The following ZRANB3 variants were observed in gnomAD, a reference collection of about 807,000 sequenced individuals.
ZRANB3 encodes DNA annealing helicase and endonuclease ZRANB3.
ZRANB3 carries 125 observed loss-of-function variants against 133.8 expected under a neutral mutation model. The ratio of observed to expected loss-of-function variants is 0.93; its 90% CI spans 0.81 to 1.08. The LOEUF (loss-of-function observed/expected upper bound fraction) is 1.08, where lower values mean the gene tolerates loss of function less well. ZRANB3 is among the 50% of genes least tolerant of loss of function. ZRANB3 has a pLI of 0.00. For synonymous variants in ZRANB3, 387 were observed against 432.7 expected, an observed-to-expected ratio of 0.89 and a Z score of 1.31; for missense variants, 1,229 against 1,275.5, an observed-to-expected ratio of 0.96 and a Z score of 0.56.
intron 2 of ZRANB3, among the ~76,000 whole-genome samples, chr2:135,410,462 T>C (rs1172930586): frequency 3.3e-5 from 5 of 152,164 alleles, no homozygotes; most frequent in Non-Finnish European, 4.4e-5. Flanking sequence ...GAACTCTACA[T>C]ATCACCATAT....
chr2:135,487,247 C>A (rs1387330390), intron 2 of ZRANB3, among the ~76,000 whole-genome samples: 1 of 152,090 alleles, frequency 6.6e-6, no homozygotes, highest in Non-Finnish European at 1.5e-5. Context: ...ATTCAGTAAA[C>A]CTTGCTACAA....
intron 2 of ZRANB3, among the ~76,000 whole-genome samples, chr2:135,454,090 G>A (rs1690390932): frequency 6.6e-6 from 1 of 152,166 alleles, no homozygotes; most frequent in South Asian, 2.1e-4. Flanking sequence ...TGCAAACCCC[G>A]ATAAACCCAT....
intron 16 of ZRANB3, among the ~76,000 whole-genome samples, chr2:135,217,878 C>T (rs899339340): frequency 3.3e-5 from 5 of 152,102 alleles, no homozygotes; most frequent in South Asian, 2.1e-4. Context: ...GGCATGATCA[C>T]GGCTTACTGC....
intron 2 of ZRANB3, among the ~76,000 whole-genome samples, chr2:135,426,355 T>C (rs1689065014): frequency 6.6e-6 from 1 of 152,014 alleles, no homozygotes; most frequent in Non-Finnish European, 1.5e-5. Context: ...ATCATCCTAA[T>C]ACCAAAACCT....
At position 135,429,577 on chromosome 2, in the gene ZRANB3, T is replaced by C. The variant is rs538123141; in HGVS notation, c.162-38757A>G. ...TTTATCTAACCAAAATTATAATACA[T>C]CTATACCGAGAAGGTAAGAATGAGA... On this transcript the variant is annotated intron_variant, in intron 2 of 20. Coordinates refer to ENST00000264159, the MANE Select transcript of ZRANB3 (RefSeq NM_032143.4). Among the ~76,000 whole-genome samples the C allele has an allele frequency of 8.0e-4, 122 of 151,980 alleles. 1 individual carries two copies. Among genetic ancestry groups the C allele is most frequent in the African/African-American group, 2.6e-3 (108 of 41,434 alleles).
chr2:135,270,633 T>C (rs1232247751), intron 10 of ZRANB3, among the ~76,000 whole-genome samples: 1 of 152,212 alleles, frequency 6.6e-6, no homozygotes, highest in Non-Finnish European at 1.5e-5. Flanking sequence ...ACTCCGATTA[T>C]TGGAAGTTTA....
In ZRANB3 at chr2:135,312,192, T is replaced by A. The variant is rs866239051; in HGVS notation, c.966+1297A>T. Among the ~76,000 whole-genome samples, 208 of 136,612 alleles carry A rather than the reference T, an allele frequency of 1.5e-3. 3 individuals are homozygous for A. Among genetic ancestry groups the A allele is most frequent in the Admixed American group, 2.4e-3 (34 of 14,034 alleles). The allele number at this position is 136,612 out of a possible 152,430, so 89.6% of individuals were successfully genotyped here. A position where few individuals can be genotyped will look rare whatever the true frequency, so the allele number is the denominator to read the frequency against. On this transcript the variant is annotated intron_variant, in intron 8 of 20. Transcript: ENST00000264159. ...ATTTTATTTTATTTTATTTTATTTT[T>A]ATTTTATTTTATTTTATTTTATTTG... is the stretch of plus-strand genomic sequence containing the variant.
intron 6 of ZRANB3, among the ~76,000 whole-genome samples, chr2:135,318,212 T>TTGTGTG (rs58455313): frequency 0.028 from 3,872 of 136,918 alleles, 115 homozygotes; most frequent in East Asian, 0.1. Flanking sequence ...ACACACTATT[T>TTGTGTG]TGTGTGTGTG....
chr2:135,327,962 T>C (rs1014819719), intron 6 of ZRANB3, among the ~76,000 whole-genome samples: 1 of 152,158 alleles, frequency 6.6e-6, no homozygotes, highest in Non-Finnish European at 1.5e-5. Context: ...AAATTGCTTA[T>C]CAATTCATCC....
At chr2:135,429,452 T>C (rs1423409033) in intron 2 of ZRANB3, among the ~76,000 whole-genome samples, 1 of 152,128 alleles carries the variant, frequency 6.6e-6, no homozygotes, top group East Asian at 1.9e-4. Flanking sequence ...AAATAATCTG[T>C]ACTCCATACC....
intron 12 of ZRANB3, chr2:135,238,788 A>G (rs1380478715): frequency 1.3e-5 from 2 of 152,272 alleles, no homozygotes; most frequent in African/African-American, 4.8e-5. Flanking sequence ...CACCATTGGT[A>G]TGAGGAAACC....
chr2:135,306,831 C>G (rs1682730088), intron 8 of ZRANB3, among the ~76,000 whole-genome samples: 1 of 151,762 alleles, frequency 6.6e-6, no homozygotes, highest in Non-Finnish European at 1.5e-5. Flanking sequence ...CTCAAGTGAT[C>G]CTCCTGCCTC....
intron 3 of ZRANB3, among the ~76,000 whole-genome samples, chr2:135,360,030 T>TAATA (rs1685601571): frequency 6.6e-6 from 1 of 152,264 alleles, no homozygotes; most frequent in South Asian, 2.1e-4. Context: ...AAGAAAGGAA[T>TAATA]AATACATAGA....
intron 2 of ZRANB3, among the ~76,000 whole-genome samples, chr2:135,452,500 C>G (rs1382979486): frequency 6.6e-6 from 1 of 152,170 alleles, no homozygotes; most frequent in East Asian, 1.9e-4. Context: ...AGGCAAGTCC[C>G]TTCCACCTAT....
chr2:135,414,933 T>C (rs1688486314), intron 2 of ZRANB3, among the ~76,000 whole-genome samples: 1 of 151,836 alleles, frequency 6.6e-6, no homozygotes, highest in Non-Finnish European at 1.5e-5. Flanking sequence ...CATACCAGAA[T>C]CTCTGGGACA....
chr2:135,317,794 G>A (rs552979056), intron 6 of ZRANB3, among the ~76,000 whole-genome samples: 4 of 152,196 alleles, frequency 2.6e-5, no homozygotes, highest in East Asian at 3.9e-4. Context: ...GATCCTAAGC[G>A]CCATATGCCT....
chr2:135,528,679 T>C (rs1459447059), intron 1 of ZRANB3, among the ~76,000 whole-genome samples: 1 of 152,062 alleles, frequency 6.6e-6, no homozygotes, highest in African/African-American at 2.4e-5. Flanking sequence ...TACAGTAGAC[T>C]GCATTGCTAA....
chr2:135,524,482 A>C (rs1046376463), intron 1 of ZRANB3, among the ~76,000 whole-genome samples: 1 of 152,204 alleles, frequency 6.6e-6, no homozygotes, highest in African/African-American at 2.4e-5. Flanking sequence ...CTATGAAATG[A>C]AATACTTGGC....
intron 2 of ZRANB3, among the ~76,000 whole-genome samples, chr2:135,484,559 G>A (rs1333321649): frequency 6.6e-6 from 1 of 151,820 alleles, no homozygotes; most frequent in African/African-American, 2.4e-5. Context: ...GCTTGATGGA[G>A]CAGAGATTCA....
Sources: allele counts gnomAD v4.1 joint callset (sites outside exome capture counted in the v4.1 genomes callset), GRCh38; gene constraint gnomAD v4.1.1; transcripts MANE v1.5; gene names NCBI Gene and HGNC (gene_info 2026-07-23, HGNC 2026-07-21).